The following GRIK2 variants were observed in gnomAD, a reference collection of about 807,000 sequenced individuals.
The protein encoded by GRIK2 is glutamate ionotropic receptor kainate type subunit 2, also known as glutamate receptor ionotropic, kainate 2.
A neutral mutation model predicts 100.3 loss-of-function variants in GRIK2; 32 were observed. The observed-to-expected ratio is 0.32, with a 90% CI of 0.24 to 0.43. The LOEUF (loss-of-function observed/expected upper bound fraction) is 0.43, where lower values mean the gene tolerates loss of function less well. Ranked by LOEUF, GRIK2 falls within the 20% of genes least tolerant of loss-of-function variation. The pLI, the probability that GRIK2 is intolerant of heterozygous loss-of-function variation, is 1.00. For synonymous variants in GRIK2, 417 were observed against 389.4 expected, an observed-to-expected ratio of 1.07 and a Z score of -0.83; for missense variants, 843 against 1,114.9, an observed-to-expected ratio of 0.76 and a Z score of 3.47.
chr6:101,744,552 A>ATACACACATATATATATATATACGTG (rs1562351784), intron 7 of GRIK2: 3 of 121,940 alleles, frequency 2.5e-5, no homozygotes, highest in African/African-American at 6.7e-5. Context: ...ATATATATAT[A>ATACACACATATATATATATATACGTG]TATATATCAC....
intron 4 of GRIK2, among the ~76,000 whole-genome samples, chr6:101,650,389 A>T (rs747440734): frequency 6.6e-6 from 1 of 152,090 alleles, no homozygotes; most frequent in Non-Finnish European, 1.5e-5. Flanking sequence ...TAGAGCAAAG[A>T]TCAACTTTAA....
chr6:101,893,190 A>T (rs1787217572), intron 12 of GRIK2, among the ~76,000 whole-genome samples: 1 of 151,178 alleles, frequency 6.6e-6, no homozygotes, highest in Non-Finnish European at 1.5e-5. Flanking sequence ...GAGGTCACTG[A>T]TATACTCATT....
At chr6:101,705,539 C>G (rs1773209459) in intron 7 of GRIK2, among the ~76,000 whole-genome samples, 1 of 151,658 alleles carries the variant, frequency 6.6e-6, no homozygotes, top group Admixed American at 6.6e-5. Context: ...TTGTAAGATA[C>G]AAGTGTTACT....
At chr6:102,035,895 T>C (rs747754992) in intron 15 of GRIK2, among the ~76,000 whole-genome samples, 1 of 151,440 alleles carries the variant, frequency 6.6e-6, no homozygotes, top group Non-Finnish European at 1.5e-5. Flanking sequence ...AAAGTTTTTG[T>C]AACAATTTAC....
chr6:101,413,622 C>T (rs1023019677), intron 2 of GRIK2, among the ~76,000 whole-genome samples: 1 of 152,030 alleles, frequency 6.6e-6, no homozygotes, highest in Non-Finnish European at 1.5e-5. Context: ...TGTTTTTGTT[C>T]TGAATGGCAT....
chr6:101,475,010 A>G (rs1772154723), intron 2 of GRIK2, among the ~76,000 whole-genome samples: 5 of 151,844 alleles, frequency 3.3e-5, no homozygotes, highest in Admixed American at 3.3e-4. Context: ...GTGCTTCATT[A>G]CATGGATCAT....
intron 7 of GRIK2, among the ~76,000 whole-genome samples, chr6:101,792,334 A>C (rs1779932218): frequency 1.3e-5 from 2 of 152,092 alleles, no homozygotes; most frequent in Non-Finnish European, 2.9e-5. Context: ...ATGATTTTGC[A>C]GTGGCTGGTC....
In GRIK2 at chr6:101,547,982, T is replaced by C. The variant is rs533144258; in HGVS notation, c.116-73967T>C. On this transcript the variant is annotated intron_variant, in intron 2 of 16. Coordinates refer to ENST00000369134, the MANE Select transcript of GRIK2 (RefSeq NM_021956.5). The stretch of plus-strand genomic sequence containing the variant: ...TTCTCCACATCCTCTCCAGCACCTG[T>C]TTTTTCCTGACTTTTGAATGATTGC... Among the ~76,000 whole-genome samples, 385 of 152,062 alleles carry C rather than the reference T, an allele frequency of 2.5e-3. 3 individuals carry two copies. The highest frequency in any genetic ancestry group is 8.8e-3 in the African/African-American group (364 of 41,480).
intron 15 of GRIK2, among the ~76,000 whole-genome samples, chr6:102,037,734 G>A (rs1392343888): frequency 6.6e-6 from 1 of 151,176 alleles, no homozygotes; most frequent in Non-Finnish European, 1.5e-5. Context: ...CGCCAGTAAG[G>A]CTTTGGTTTA....
At chr6:101,695,762 C>G (rs1472322092) in intron 7 of GRIK2, among the ~76,000 whole-genome samples, 1 of 152,040 alleles carries the variant, frequency 6.6e-6, no homozygotes, top group Non-Finnish European at 1.5e-5. Flanking sequence ...AACATGATAG[C>G]TTAGCCTCAC....
chr6:101,605,163 T>C (rs1251394482), intron 2 of GRIK2, among the ~76,000 whole-genome samples: 1 of 152,040 alleles, frequency 6.6e-6, no homozygotes, highest in Admixed American at 6.6e-5. Context: ...AAAGGCTTGA[T>C]GCTTATGTTC....
chr6:101,534,081 C>T (rs1363507766), intron 2 of GRIK2, among the ~76,000 whole-genome samples: 2 of 151,676 alleles, frequency 1.3e-5, no homozygotes, highest in Admixed American at 1.3e-4. Context: ...TTTCCTCAAT[C>T]ACTAAAGTTA....
intron 14 of GRIK2, among the ~76,000 whole-genome samples, chr6:102,025,543 G>A (rs1416206504): frequency 6.6e-6 from 1 of 151,150 alleles, no homozygotes; most frequent in African/African-American, 2.4e-5. Flanking sequence ...CGAGGCACAT[G>A]GATATGCAGG....
At chr6:101,422,716 A>C (rs1776470010) in intron 2 of GRIK2, among the ~76,000 whole-genome samples, 1 of 152,138 alleles carries the variant, frequency 6.6e-6, no homozygotes, top group African/African-American at 2.4e-5. Context: ...TTTGAATATA[A>C]ATTCAATCTA....
chr6:101,874,852 A>T (rs922009340), intron 11 of GRIK2, among the ~76,000 whole-genome samples: 10 of 151,744 alleles, frequency 6.6e-5, no homozygotes, highest in East Asian at 1.9e-4. Flanking sequence ...TTATTCTCTT[A>T]GAAGCAATTG....
At chr6:101,526,721 A>G (rs1182618389) in intron 2 of GRIK2, among the ~76,000 whole-genome samples, 1 of 152,196 alleles carries the variant, frequency 6.6e-6, no homozygotes, top group East Asian at 1.9e-4. Context: ...AGGAAGCTAC[A>G]GGTTGTAGTT....
At chr6:101,623,512 A>T (rs1193306164) in intron 3 of GRIK2, among the ~76,000 whole-genome samples, 1 of 152,128 alleles carries the variant, frequency 6.6e-6, no homozygotes, top group Non-Finnish European at 1.5e-5. Flanking sequence ...GCCTCTAATG[A>T]AAGCATTTTG....
At chr6:101,675,693 A>T (rs1770784023) in intron 4 of GRIK2, among the ~76,000 whole-genome samples, 1 of 152,152 alleles carries the variant, frequency 6.6e-6, no homozygotes, top group Admixed American at 6.6e-5. Flanking sequence ...CTTATTGGAA[A>T]TATATTCATT....
intron 14 of GRIK2, among the ~76,000 whole-genome samples, chr6:101,958,253 T>TTCTGTGTATGTGTG (rs150156844): frequency 7.2e-6 from 1 of 139,448 alleles, no homozygotes; most frequent in Non-Finnish European, 1.5e-5. Flanking sequence ...TGCTACATAT[T>TTCTGTGTATGTGTG]TGTGTGTGTG....
Sources: allele counts gnomAD v4.1 joint callset (sites outside exome capture counted in the v4.1 genomes callset), GRCh38; gene constraint gnomAD v4.1.1; transcripts MANE v1.5; gene names NCBI Gene and HGNC (gene_info 2026-07-23, HGNC 2026-07-21).